RHOU: variants seen among roughly 807,000 people sequenced by gnomAD.
The protein encoded by RHOU is rho-related GTP-binding protein RhoU.
RHOU carries 8 observed loss-of-function variants against 12.6 expected under a neutral mutation model. That is an observed-to-expected ratio of 0.64 (90% confidence interval 0.37 to 1.15). The LOEUF (loss-of-function observed/expected upper bound fraction) is 1.15, where lower values mean the gene tolerates loss of function less well. Among genes scored for constraint, RHOU ranks in the 50% most tolerant of loss-of-function variants. The pLI is 0.01. For missense variants in RHOU, 258 were observed against 347.0 expected (o/e 0.74, Z 2.04); for synonymous variants, 161 against 147.4 (o/e 1.09, Z -0.67).
chr1:228,666,660 G>A, the RHOU span, among the ~76,000 whole-genome samples: 217 of 152,176 alleles, frequency 1.4e-3, no homozygotes, highest in African/African-American at 5.1e-3. Flanking sequence ...AAGCCAGCAG[G>A]GAATGTGCAC....
At chr1:228,670,698 G>T in the RHOU span, among the ~76,000 whole-genome samples, 1 of 152,204 alleles carries the variant, frequency 6.6e-6, no homozygotes, top group Non-Finnish European at 1.5e-5. Context: ...CTCATGTCGA[G>T]TTGTGATTCT....
At chr1:228,673,682 C>T in the RHOU span, among the ~76,000 whole-genome samples, 2 of 152,162 alleles carry the variant, frequency 1.3e-5, no homozygotes, top group Non-Finnish European at 2.9e-5. Flanking sequence ...TCACCTTCCG[C>T]CATAATGTAA....
At chr1:228,735,465 A>C, upstream of RHOU, 5 of 217,976 alleles carry the variant, frequency 2.3e-5, no homozygotes, top group Non-Finnish European at 3.6e-5. The surrounding 1 kb of genome is among the most constrained non-coding windows in gnomAD (Gnocchi z 8.1). Context: ...GTCGCCGGGA[A>C]GCCGGGCGGA....
At chr1:228,653,119 C>G in the RHOU span, among the ~76,000 whole-genome samples, 1 of 152,166 alleles carries the variant, frequency 6.6e-6, no homozygotes, top group Admixed American at 6.5e-5. Context: ...AGTCTAAAGT[C>G]TGTCTTGATT....
the RHOU span, among the ~76,000 whole-genome samples, chr1:228,706,155 G>A: frequency 6.6e-6 from 1 of 152,212 alleles, no homozygotes; most frequent in East Asian, 1.9e-4. Flanking sequence ...CAGCTGCTGT[G>A]AGAGAGCAAT....
At chr1:228,718,201 GA>G in the RHOU span, among the ~76,000 whole-genome samples, 1 of 152,186 alleles carries the variant, frequency 6.6e-6, no homozygotes, top group Non-Finnish European at 1.5e-5. Context: ...GCTTTCCAGT[GA>G]ATGGGCTTAG....
At chr1:228,733,513 G>A (rs1018972098), upstream of RHOU, among the ~76,000 whole-genome samples, 1 of 152,196 alleles carries the variant, frequency 6.6e-6, no homozygotes, top group African/African-American at 2.4e-5. Context: ...CGCCATGTTG[G>A]CCAAGCTGGT....
At chr1:228,718,495 G>A in the RHOU span, among the ~76,000 whole-genome samples, 1 of 152,138 alleles carries the variant, frequency 6.6e-6, no homozygotes, top group Admixed American at 6.5e-5. Context: ...GATTATTGGG[G>A]CTGTCTTAGA....
the RHOU span, among the ~76,000 whole-genome samples, chr1:228,674,503 C>T: frequency 6.6e-6 from 1 of 151,474 alleles, no homozygotes; most frequent in South Asian, 2.1e-4. Flanking sequence ...CCTGCCACCA[C>T]ACCCAGCTAA....
In RHOU at chr1:228,738,854, G is replaced by A. The variant is rs1181893110; in HGVS notation, c.321+1123G>A. 6.6e-6 allele frequency among the ~76,000 whole-genome samples: 1 copy of A among 152,186 alleles called. No homozygotes were observed. Among genetic ancestry groups the A allele is most frequent in the African/African-American group, 2.4e-5 (1 of 41,444 alleles). ...CTGTAGAAAACAAAAATCAGGCTGG[G>A]TGTGGTGGCTCATGCTCTTTGGGAG... On this transcript the variant is annotated intron_variant, in intron 2 of 2. Coordinates refer to ENST00000366691, the MANE Select transcript of RHOU (RefSeq NM_021205.6). The surrounding 1 kb of genome is among the most constrained non-coding windows in gnomAD (Gnocchi z 4.2).
the RHOU span, among the ~76,000 whole-genome samples, chr1:228,692,251 T>C: frequency 2.0e-5 from 3 of 152,240 alleles, no homozygotes; most frequent in African/African-American, 7.2e-5. Context: ...GAAAATCCAA[T>C]GTGTGTTTTA....
At chr1:228,677,075 G>T in the RHOU span, among the ~76,000 whole-genome samples, 1 of 152,138 alleles carries the variant, frequency 6.6e-6, no homozygotes, top group Non-Finnish European at 1.5e-5. Flanking sequence ...GGGGTGGTAT[G>T]GAGAGATAAT....
chr1:228,671,378 G>T, the RHOU span, among the ~76,000 whole-genome samples: 1 of 152,066 alleles, frequency 6.6e-6, no homozygotes, highest in African/African-American at 2.4e-5. Flanking sequence ...AAGAAATAAG[G>T]TGGTAATTTT....
At chr1:228,657,407 A>G in the RHOU span, among the ~76,000 whole-genome samples, 1 of 152,148 alleles carries the variant, frequency 6.6e-6, no homozygotes, top group Non-Finnish European at 1.5e-5. Flanking sequence ...AACAGACTTC[A>G]AAATCAAATA....
the RHOU span, among the ~76,000 whole-genome samples, chr1:228,702,817 A>G: frequency 2.0e-5 from 3 of 152,242 alleles, no homozygotes; most frequent in Non-Finnish European, 4.4e-5. Context: ...AGACACAAGC[A>G]GGTCTTAAAG....
the RHOU span, among the ~76,000 whole-genome samples, chr1:228,666,097 G>A: frequency 6.6e-6 from 1 of 151,650 alleles, no homozygotes; most frequent in African/African-American, 2.4e-5. Flanking sequence ...AGCTAGGATT[G>A]CAGGCGTGCA....
the RHOU span, among the ~76,000 whole-genome samples, chr1:228,693,966 G>A: frequency 6.6e-6 from 1 of 152,190 alleles, no homozygotes; most frequent in Non-Finnish European, 1.5e-5. Context: ...TATAGAGATT[G>A]TCCATGTTCT....
chr1:228,691,224 G>C, the RHOU span, among the ~76,000 whole-genome samples: 51 of 152,058 alleles, frequency 3.4e-4, no homozygotes, highest in African/African-American at 1.2e-3. Context: ...TAGTACGTTT[G>C]TTACAATCAA....
At chr1:228,670,001 G>A in the RHOU span, among the ~76,000 whole-genome samples, 4 of 152,164 alleles carry the variant, frequency 2.6e-5, no homozygotes, top group Non-Finnish European at 5.9e-5. Flanking sequence ...AGTCAAGTGG[G>A]TTAAACATCA....
Sources: gnomAD v4.1 joint callset for allele counts (sites outside exome capture counted in the v4.1 genomes callset) on GRCh38, gnomAD v4.1.1 for gene constraint, Gnocchi (gnomAD v3.1) non-coding constraint, MANE v1.5 for transcripts, NCBI Gene and HGNC (gene_info 2026-07-23, HGNC 2026-07-21) for gene names.